The following AQP4 variants were observed in gnomAD, a reference collection of about 807,000 sequenced individuals.
AQP4 encodes the protein aquaporin-4.
Under a neutral mutation model 27.8 loss-of-function variants are expected in AQP4, and 18 were observed. The observed-to-expected ratio is 0.65, with a 90% CI of 0.45 to 0.96. The LOEUF is 0.96. AQP4 is among the 40% of genes least tolerant of loss of function. AQP4 has a pLI of 0.00. For synonymous variants in AQP4, 141 were observed against 142.9 expected (o/e 0.99, Z 0.10); for missense variants, 412 against 408.2 (o/e 1.01, Z -0.08).
At position 26,856,382 on chromosome 18, in the gene AQP4, G is replaced by T. The variant is rs2054843995; in HGVS notation, c.801C>A (p.Ser267Arg). The change falls in exon 5 of 5, where the codon AGC (serine) becomes AGA (arginine). Residue 267 changes from serine (S) to arginine (R), a missense_variant. Physicochemically the swap from Ser to Arg is moderately radical, Grantham distance 110. Transcript: ENST00000383168. ...TTCCTTTTGTTTGCTGGGCAGCTTT[G>T]CTGAAGGCTTCTTTAAAACGACGTT... is the stretch of plus-strand genomic sequence containing the variant. ...EFKRRFKEAF[S>R]KAAQQTKGSY... 1.2e-6 allele frequency: 2 copies of T among 1,614,106 alleles called. No individual in the cohort carries two copies. The highest frequency in any genetic ancestry group is 8.5e-7 in the Non-Finnish European group (1 of 1,180,046).
intron 1 of AQP4, among the ~76,000 whole-genome samples, chr18:26,864,297 A>C (rs1288289527): frequency 6.6e-6 from 1 of 152,200 alleles, no homozygotes; most frequent in Non-Finnish European, 1.5e-5. Flanking sequence ...GGGAATTTCC[A>C]GCTCAGCCTA....
chr18:26,855,356 A>G lies in AQP4; in HGVS notation c.*855T>C, dbSNP rs1320253717. On this transcript the variant is annotated 3_prime_UTR_variant, in exon 5 of 5. Transcript: ENST00000383168. ...TAAAGGGGTTAAAAGCTTAGATCGT[A>G]AAACTGGTGTGGTGCATTTGAGGGT... 6.6e-6 allele frequency: 1 copy of G among 152,236 alleles called. No homozygotes were observed. Among genetic ancestry groups the G allele is most frequent in the African/African-American group, 2.4e-5 (1 of 41,460 alleles). 9.4% of individuals were successfully genotyped at this position (152,236 alleles called of 1,614,324 possible). A position where few individuals can be genotyped will look rare whatever the true frequency, so the allele number is the denominator to read the frequency against.
At chr18:26,865,788 T>G, upstream of AQP4, 1 of 1,426,142 alleles carries the variant, frequency 7.0e-7, no homozygotes, top group Non-Finnish European at 9.9e-7. Context: ...GTTTTTGGAG[T>G]GTTAGGGGTG....
At chr18:26,859,386 T>A (rs927558496) in intron 4 of AQP4, among the ~76,000 whole-genome samples, 1 of 152,094 alleles carries the variant, frequency 6.6e-6, no homozygotes, top group Non-Finnish European at 1.5e-5. Flanking sequence ...CTGAGTGTGG[T>A]GGCATGCACC....
upstream of AQP4, chr18:26,865,759 C>A (rs548032921): frequency 1.9e-6 from 3 of 1,584,340 alleles, no homozygotes; most frequent in African/African-American, 2.7e-5. Context: ...AGTCAGATTA[C>A]GGCCACTTGT....
chr18:26,861,376 C>T (rs1367784830), intron 2 of AQP4, 81 bp from the exon 3 acceptor site: 7 of 1,404,012 alleles, frequency 5.0e-6, no homozygotes, highest in African/African-American at 1.4e-5. Flanking sequence ...GTGAAAGGCA[C>T]ATTTTATCTG....
rs2054809138 is a variant in AQP4, at chr18:26,854,583, T to TAGGTGCTAGGAAGCACCTAGGA, written c.*1627_*1628insTCCTAGGTGCTTCCTAGCACCT. 6.6e-6 allele frequency: 1 copy of TAGGTGCTAGGAAGCACCTAGGA among 152,620 alleles called. No individual in the cohort carries two copies. Among genetic ancestry groups the TAGGTGCTAGGAAGCACCTAGGA allele is most frequent in the African/African-American group, 2.4e-5 (1 of 41,444 alleles). 9.5% of individuals were successfully genotyped at this position (152,620 alleles called of 1,614,324 possible). A position where few individuals can be genotyped will look rare whatever the true frequency, so the allele number is the denominator to read the frequency against. On this transcript the variant is annotated 3_prime_UTR_variant, in exon 5 of 5. Coordinates refer to ENST00000383168, the MANE Select transcript of AQP4 (RefSeq NM_001650.7). The stretch of plus-strand genomic sequence containing the variant: ...GGGAATCTCACACATCACTCTTTCC[T>TAGGTGCTAGGAAGCACCTAGGA]AGCACCGAAGAGAATCAGGTTTAAT...
chr18:26,864,022 C>A (rs1474108635), intron 1 of AQP4, among the ~76,000 whole-genome samples: 2 of 151,936 alleles, frequency 1.3e-5, no homozygotes, highest in African/African-American at 2.4e-5. Flanking sequence ...ACCCCAGTTA[C>A]CCTATCATCT....
chr18:26,856,238 T>G lies in AQP4; in HGVS notation c.945A>C (p.Gln315His). Residue 315 changes from glutamine to histidine, a missense_variant, in exon 5 of 5, where the codon CAA becomes CAC. Transcript: ENST00000383168. The part of the protein sequence containing the change: ...DRGEEKKGKD[Q>H]SGEVLSSV ...ATACTGAAGACAATACCTCTCCAGA[T>G]TGGTCTTTCCCCTTCTTCTCCTCTC... 1.9e-6 allele frequency: 3 copies of G among 1,614,156 alleles called. No individual in the cohort carries two copies. The highest frequency in any genetic ancestry group is 2.5e-6 in the Non-Finnish European group (3 of 1,180,016).
chr18:26,862,274 T>G lies in AQP4; in HGVS notation c.355A>C (p.Ile119Leu). Residue 119 changes from isoleucine to leucine, a missense_variant, in exon 2 of 5, where the codon ATC (isoleucine) becomes CTC (leucine). Physicochemically the swap from Ile to Leu is conservative, Grantham distance 5 (BLOSUM62 2). Transcript: ENST00000383168. The part of the protein sequence containing the change: ...KISIAKSVFY[I>L]AAQCLGAIIG... ...ATGGCCCCCAGGCACTGGGCTGCGA[T>G]GTAGAAGACAGACTTGGCGATGCTG... is the stretch of plus-strand genomic sequence containing the variant. 2 of 1,614,210 alleles carry G rather than the reference T, an allele frequency of 1.2e-6. No individual in the cohort carries two copies. The highest frequency in any genetic ancestry group is 1.1e-5 in the South Asian group (1 of 91,086).
chr18:26,855,193 C>A lies in AQP4; in HGVS notation c.*1018G>T, dbSNP rs774955216. 5 of 152,046 alleles carry A rather than the reference C, an allele frequency of 3.3e-5. No individual in the cohort carries two copies. Among genetic ancestry groups the A allele is most frequent in the Non-Finnish European group, 5.9e-5 (4 of 68,004 alleles). The allele number at this position is 152,046 out of a possible 1,614,324, so 9.4% of individuals were successfully genotyped here. Reference sequence around the variant, plus strand: ...TCTAGAGTGAACACAGCTTAATAATCAACAAAAAGCCAGGACTCAACTAGC... The same window carrying A: ...TCTAGAGTGAACACAGCTTAATAATAAACAAAAAGCCAGGACTCAACTAGC... On this transcript the variant is annotated 3_prime_UTR_variant, in exon 5 of 5. Transcript: ENST00000383168.
chr18:26,857,749 C>T (rs948621904), intron 4 of AQP4, among the ~76,000 whole-genome samples: 3 of 152,230 alleles, frequency 2.0e-5, no homozygotes, highest in African/African-American at 7.2e-5. Flanking sequence ...AACAGACGCA[C>T]TTGGGCAACA....
intron 1 of AQP4, among the ~76,000 whole-genome samples, chr18:26,863,735 G>A (rs1306346690): frequency 6.6e-6 from 1 of 152,208 alleles, no homozygotes; most frequent in Admixed American, 6.5e-5. Flanking sequence ...CCCCTGAGCA[G>A]AAGGCTCTAT....
chr18:26,860,995 G>C, intron 3 of AQP4, 136 bp downstream of exon 3: 3 of 1,406,436 alleles, frequency 2.1e-6, no homozygotes, highest in Non-Finnish European at 3.0e-6. Context: ...TGAGCAGTTG[G>C]AAAAATTATA....
Position 26,852,399 on chromosome 18 carries a change from A to G in AQP4, c.*3812T>C, listed in dbSNP as rs1477783272. On this transcript the variant is annotated 3_prime_UTR_variant, in exon 5 of 5. Transcript: ENST00000383168. ...GAAATACATTCCAATGGGTTACATAAATTAGACGTATTTTTTAGCTCTTCG... is the reference window on the plus strand; with the variant it reads ...GAAATACATTCCAATGGGTTACATAGATTAGACGTATTTTTTAGCTCTTCG... 1 of 155,116 alleles carries G rather than the reference A, an allele frequency of 6.4e-6. No homozygotes were observed. Among genetic ancestry groups the G allele is most frequent in the African/African-American group, 2.4e-5 (1 of 41,616 alleles). 9.6% of individuals were successfully genotyped at this position (155,116 alleles called of 1,614,324 possible). A position where few individuals can be genotyped will look rare whatever the true frequency, so the allele number is the denominator to read the frequency against.
intron 4 of AQP4, 27 bp downstream of exon 4, chr18:26,860,745 G>A: frequency 2.5e-6 from 4 of 1,580,252 alleles, no homozygotes; most frequent in Non-Finnish European, 3.5e-6. Context: ...ACTGTAGGAA[G>A]ATGGGAACTA....
intron 2 of AQP4, 182 bp downstream of exon 2, chr18:26,862,000 G>A (rs563537597): frequency 1.4e-6 from 1 of 725,406 alleles, no homozygotes; most frequent in East Asian, 2.7e-5. Context: ...AGCAAACAAT[G>A]ATTTCTTACA....
chr18:26,864,182 C>T (rs1474928654), intron 1 of AQP4, among the ~76,000 whole-genome samples: 1 of 152,176 alleles, frequency 6.6e-6, no homozygotes, highest in Admixed American at 6.5e-5. Flanking sequence ...TTGTGGCTTT[C>T]CCTTTGACAA....
At position 26,861,319 on chromosome 18, in the gene AQP4, C is replaced by G. The variant is rs761927974; in HGVS notation, c.448-24G>C. On this transcript the variant is annotated intron_variant, in intron 2 of 4. Coordinates refer to ENST00000383168, the MANE Select transcript of AQP4 (RefSeq NM_001650.7). ...ACCTAGAGAAAGAAAAATATTCCAT[C>G]AGAATTGAAGCAAGAGTATTTTCGA... 5.0e-6 allele frequency: 8 copies of G among 1,608,000 alleles called. No individual in the cohort carries two copies. In the Admixed American group the frequency reaches 1.3e-4, roughly 27 times the overall value.
Sources: gnomAD v4.1 joint callset for allele counts (sites outside exome capture counted in the v4.1 genomes callset) on GRCh38, gnomAD v4.1.1 for gene constraint, MANE v1.5 for transcripts, NCBI Gene and HGNC (gene_info 2026-07-23, HGNC 2026-07-21) for gene names.